The following POLG variants were observed in gnomAD, a reference collection of about 807,000 sequenced individuals.
POLG encodes DNA polymerase gamma, catalytic subunit.
A neutral mutation model predicts 155.4 loss-of-function variants in POLG; 110 were observed. The observed-to-expected ratio is 0.71, with a 90% CI of 0.61 to 0.83. The LOEUF is 0.83. POLG is among the 40% of genes least tolerant of loss of function. The pLI is 0.00. For synonymous variants in POLG, 701 were observed against 631.5 expected, an observed-to-expected ratio of 1.11 and a Z score of -1.65; for missense variants, 1,685 against 1,627.5, an observed-to-expected ratio of 1.04 and a Z score of -0.61.
chr15:89,321,094 C>A (rs199541523), intron 17 of POLG, 31 bp downstream of exon 17: 1 of 1,574,884 alleles, frequency 6.3e-7, no homozygotes, highest in East Asian at 2.2e-5. Context: ...TGCTGAGGGG[C>A]TGGGCTGCCC....
rs2055408853 is a variant in POLG at position 89,322,369 on chromosome 15, G to A, written c.2427-354C>T. On this transcript the variant is annotated intron_variant, in intron 14 of 22. Transcript: ENST00000268124. ...TGTGCTGATGGCCACAACCACCTTG[G>A]AAATGGCCTTCAAGATGAATACATT... is the stretch of plus-strand genomic sequence containing the variant. Among the ~76,000 whole-genome samples the A allele has an allele frequency of 3.3e-5, 5 of 152,270 alleles. No homozygotes were observed. In the South Asian group the frequency reaches 1.0e-3, roughly 32 times the overall value.
Position 89,321,323 on chromosome 15 carries a change from A to T in POLG, c.2599-63T>A, listed in dbSNP as rs1025469706. 3 of 1,583,410 alleles carry T rather than the reference A, an allele frequency of 1.9e-6. No homozygotes were observed. In the African/African-American group the frequency reaches 4.0e-5, roughly 21 times the overall value. ...TACCCCATTCCTGGAGCCAGAGTTG[A>T]CTGAGAAAGAGCTAGAGCCTTTCCT... On this transcript the variant is annotated intron_variant, in intron 16 of 22. Coordinates refer to ENST00000268124, the MANE Select transcript of POLG (RefSeq NM_002693.3).
Position 89,333,726 on chromosome 15 carries a change from G to A in POLG, c.29C>T (p.Ala10Val), listed in dbSNP as rs774459114. 180 of 1,535,982 alleles carry A rather than the reference G, an allele frequency of 1.2e-4. No individual in the cohort carries two copies. The highest frequency in any genetic ancestry group is 4.4e-5 in the Non-Finnish European group (50 of 1,146,774). Residue 10 changes from alanine (A) to valine (V), a missense_variant, in exon 2 of 23, where the codon GCC becomes GTC. By Grantham distance (64) the Ala-to-Val change is moderately conservative. Coordinates refer to ENST00000268124, the MANE Select transcript of POLG (RefSeq NM_002693.3). MSRLLWRKV[A>V]GATVGPGPVP... ...CGGCCCTGGCCCGACGGTGGCGCCG[G>A]CCACCTTCCTCCAGAGCAGGCGGCT...
intron 18 of POLG, among the ~76,000 whole-genome samples, 192 bp downstream of exon 18, chr15:89,320,574 G>A (rs550546714): frequency 1.3e-5 from 2 of 152,324 alleles, no homozygotes; most frequent in East Asian, 1.9e-4. Flanking sequence ...AACTGTTTAA[G>A]GCTGACTATA....
chr15:89,319,125 A>C, intron 19 of POLG, 26 bp from the exon 20 acceptor site: 1 of 1,614,220 alleles, frequency 6.2e-7, no homozygotes, highest in Non-Finnish European at 8.5e-7. Context: ...CAGAGGGCAG[A>C]CTTTGTCTTT....
At position 89,333,213 on chromosome 15, in the gene POLG, T is replaced by G. The variant is rs761349383; in HGVS notation, c.542A>C (p.Glu181Ala). The change falls in exon 2 of 23, where the codon GAG (glutamate) becomes GCG (alanine). Residue 181 changes from glutamate to alanine, a missense_variant. Coordinates refer to ENST00000268124, the MANE Select transcript of POLG (RefSeq NM_002693.3). ...GATGGCCACGGGTACGGCCTCCCCC[T>G]CGGGGCCGTACCGGGTCCAGCCCTC... ...WAEGWTRYGPEGEAVPVAIPE... is the reference protein window; with the variant it reads ...WAEGWTRYGPAGEAVPVAIPE... 2.5e-6 allele frequency: 4 copies of G among 1,577,002 alleles called. No individual in the cohort carries two copies. The highest frequency in any genetic ancestry group is 3.5e-5 in the Admixed American group (2 of 56,586).
intron 18 of POLG, among the ~76,000 whole-genome samples, chr15:89,319,681 C>T (rs60907897): frequency 6.6e-6 from 1 of 152,144 alleles, no homozygotes; most frequent in Non-Finnish European, 1.5e-5. Context: ...GCCCAATGAC[C>T]AACACGGGCC....
intron 14 of POLG, among the ~76,000 whole-genome samples, chr15:89,322,486 C>G (rs2055410632): frequency 6.6e-6 from 1 of 152,236 alleles, no homozygotes; most frequent in African/African-American, 2.4e-5. Flanking sequence ...GCCCACGGCT[C>G]CAGCAGTTAC....
At chr15:89,322,639 C>T in intron 14 of POLG, 103 bp downstream of exon 14, 2 of 1,304,844 alleles carry the variant, frequency 1.5e-6, no homozygotes, top group Non-Finnish European at 2.2e-6. Context: ...GGCCTCTAGA[C>T]CATAGTCAGG....
At position 89,325,135 on chromosome 15, in the gene POLG, TGAGTGA is replaced by T. The variant is rs1357752444; in HGVS notation, c.1949+309_1949+314del. ...GAGAGTGAGTGAGTGAGTGAGAGAG[TGAGTGA>T]GAGAGTGAGTGAGTGAGTGAGTGAG... is the stretch of plus-strand genomic sequence containing the variant. On this transcript the variant is annotated intron_variant, in intron 10 of 22. Coordinates refer to ENST00000268124, the MANE Select transcript of POLG (RefSeq NM_002693.3). Among the ~76,000 whole-genome samples the T allele has an allele frequency of 2.0e-4, 6 of 30,516 alleles. 2 individuals carry two copies. Among genetic ancestry groups the T allele is most frequent in the Non-Finnish European group, 4.0e-4 (6 of 14,952 alleles). 20.0% of individuals were successfully genotyped at this position (30,516 alleles called of 152,430 possible). A position where few individuals can be genotyped will look rare whatever the true frequency, so the allele number is the denominator to read the frequency against.
chr15:89,325,061 TGAGTGAGTGAGTGAGTGAGTGAGA>T lies in POLG; in HGVS notation c.1949+365_1949+388del, dbSNP rs2055458978. On this transcript the variant is annotated intron_variant, in intron 10 of 22. Coordinates refer to ENST00000268124, the MANE Select transcript of POLG (RefSeq NM_002693.3). ...GAGAGTGAGTGAGTGAGTGAGAGAG[TGAGTGAGTGAGTGAGTGAGTGAGA>T]GAGTGAGTGAGTGAGAGAGTGAGAG... Among the ~76,000 whole-genome samples the T allele has an allele frequency of 2.9e-5, 2 of 70,124 alleles. 1 individual carries two copies. Among genetic ancestry groups the T allele is most frequent in the African/African-American group, 1.3e-4 (2 of 15,154 alleles). 46.0% of individuals were successfully genotyped at this position (70,124 alleles called of 152,430 possible).
intron 3 of POLG, 91 bp downstream of exon 3, chr15:89,329,990 T>C: frequency 9.1e-7 from 1 of 1,093,368 alleles, no homozygotes; most frequent in Non-Finnish European, 1.4e-6. Flanking sequence ...CAGAGACACG[T>C]GCCAGGAAAG....
chr15:89,328,964 C>T lies in POLG; in HGVS notation c.1002G>A (p.Arg334=), dbSNP rs1057520944. The T allele has an allele frequency of 8.7e-6, 14 of 1,614,038 alleles. No homozygotes were observed. Among genetic ancestry groups the T allele is most frequent in the Non-Finnish European group, 1.2e-5 (14 of 1,180,044 alleles). Residue 334 remains arginine, a synonymous_variant, in exon 4 of 23, where the codon AGG becomes AGA. Coordinates refer to ENST00000268124, the MANE Select transcript of POLG (RefSeq NM_002693.3). ...TCACCGCTGGGCCTCTTCTGGCTTT[C>T]CTCTGGGACTTCTGGCCTTGCTTTG... is the stretch of plus-strand genomic sequence containing the variant. ...PPTKQGQKSQ[R]KARRGPAISS...
rs3087373 is a variant in POLG at position 89,333,703 on chromosome 15, G to A, written c.52C>T (p.Pro18Ser). ...KVAGATVGPG[P>S]VPAPGRWVSS... ...ACCCAGCGCCCCGGAGCTGGAACCG[G>A]CCCTGGCCCGACGGTGGCGCCGGCC... The change falls in exon 2 of 23, where the codon CCG (proline) becomes TCG (serine). Residue 18 changes from proline to serine, a missense_variant. By Grantham distance (74) the Pro-to-Ser change is moderately conservative. Around this residue, in one of 3 missense-constraint regions of POLG, gnomAD observed 1,210 missense variants for 1,167.1 expected, o/e 1.04. Transcript: ENST00000268124. 1 of 1,539,442 alleles carries A rather than the reference G, an allele frequency of 6.5e-7. No individual in the cohort carries two copies. The highest frequency in any genetic ancestry group is 2.0e-5 in the Admixed American group (1 of 51,226).
At chr15:89,317,903 G>A (rs931175541) in intron 21 of POLG, 2 of 348,112 alleles carry the variant, frequency 5.7e-6, no homozygotes, top group Non-Finnish European at 1.1e-5. Flanking sequence ...AGGGCAATGG[G>A]AACAATGTTG....
intron 2 of POLG, 134 bp downstream of exon 2, chr15:89,332,962 G>C: frequency 8.3e-7 from 1 of 1,206,268 alleles, no homozygotes; most frequent in South Asian, 2.0e-5. Context: ...CAGGGGTCTA[G>C]TCCTAATTCA....
rs11853304 is a variant in POLG, at chr15:89,320,560, G to T, written c.2981+206C>A. Among the ~76,000 whole-genome samples, 4,207 of 152,284 alleles carry T rather than the reference G, an allele frequency of 0.028. 165 individuals are homozygous for T. The highest frequency in any genetic ancestry group is 0.092 in the African/African-American group (3,815 of 41,536). On this transcript the variant is annotated intron_variant, in intron 18 of 22. Coordinates refer to ENST00000268124, the MANE Select transcript of POLG (RefSeq NM_002693.3). Reference sequence around the variant, plus strand: ...AAAAGTATAGCTTTACTCCCATGAGGAAAAACTGTTTAAGGCTGACTATAA... The same window carrying T: ...AAAAGTATAGCTTTACTCCCATGAGTAAAAACTGTTTAAGGCTGACTATAA...
chr15:89,325,070 G>GAA (rs2055461107), intron 10 of POLG, among the ~76,000 whole-genome samples: 1 of 106,380 alleles, frequency 9.4e-6, no homozygotes, highest in African/African-American at 4.2e-5. Context: ...GTGAGTGAGT[G>GAA]AGTGAGTGAG....
rs369438927 is a variant in POLG at position 89,317,443 on chromosome 15, T to C, written c.3576A>G (p.Glu1192=). Residue 1192 remains glutamate, a synonymous_variant, in exon 22 of 23, where the codon GAA becomes GAG. Coordinates refer to ENST00000268124, the MANE Select transcript of POLG (RefSeq NM_002693.3). ...AVDIDRCLRK[E]VTMDCKTPSN... ...AAGGGGTTTTACAATCCATGGTCAC[T>C]TCCTTCCTGAGGCACCGGTCAATAT... is the stretch of plus-strand genomic sequence containing the variant. 6.2e-7 allele frequency: 1 copy of C among 1,614,024 alleles called. No homozygotes were observed. The highest frequency in any genetic ancestry group is 1.7e-5 in the Admixed American group (1 of 60,002).
Sources: allele counts gnomAD v4.1 joint callset (sites outside exome capture counted in the v4.1 genomes callset), GRCh38; gene constraint gnomAD v4.1.1; regional missense constraint gnomAD v4.1.1; transcripts MANE v1.5; gene names NCBI Gene and HGNC (gene_info 2026-07-23, HGNC 2026-07-21).